Variants in DNAL1 observed in about 807,000 individuals in gnomAD.
DNAL1 encodes chromosome 14 open reading frame 168.
In DNAL1, 17 loss-of-function variants were observed where a neutral mutation model predicts 29.4. The ratio of observed to expected loss-of-function variants is 0.58; its 90% CI spans 0.40 to 0.87. The LOEUF (loss-of-function observed/expected upper bound fraction) is 0.87, where lower values mean the gene tolerates loss of function less well. Ranked by LOEUF, DNAL1 falls within the 40% of genes least tolerant of loss-of-function variation. The probability of loss-of-function intolerance (pLI) is 0.00; values close to 1 mark genes in which losing one functional copy is unlikely to be tolerated. For missense variants in DNAL1, 188 were observed against 214.1 expected (o/e 0.88, Z 0.76); for synonymous variants, 78 against 76.3 (o/e 1.02, Z -0.12).
intron 2 of DNAL1, among the ~76,000 whole-genome samples, chr14:73,656,371 G>GT (rs374812057): frequency 0.012 from 1,753 of 141,638 alleles, 41 homozygotes; most frequent in African/African-American, 0.043. Context: ...AATAACTAGT[G>GT]TTTTTTTTTG....
At position 73,696,042 on chromosome 14, in the gene DNAL1, A is replaced by T; in HGVS notation, c.*100A>T. 1 of 1,125,178 alleles carries T rather than the reference A, an allele frequency of 8.9e-7. No individual in the cohort carries two copies. The highest frequency in any genetic ancestry group is 1.3e-6 in the Non-Finnish European group (1 of 794,508). 69.7% of individuals were successfully genotyped at this position (1,125,178 alleles called of 1,614,324 possible). On this transcript the variant is annotated 3_prime_UTR_variant, in exon 8 of 8. Coordinates refer to ENST00000553645, the MANE Select transcript of DNAL1 (RefSeq NM_031427.4). ...TTTTAAAGATTCTGTATGGGACAAA[A>T]GTTTCTTAAGATAAAACAGATCACT...
rs182786402 is a variant in DNAL1 at position 73,690,176 on chromosome 14, T to C, written c.532+661T>C. Among the ~76,000 whole-genome samples, 1,220 of 152,124 alleles carry C rather than the reference T, an allele frequency of 8.0e-3. 21 individuals carry two copies. Among genetic ancestry groups the C allele is most frequent in the African/African-American group, 0.028 (1,156 of 41,504 alleles). On this transcript the variant is annotated intron_variant, in intron 7 of 7. Transcript: ENST00000553645. ...AGGTCAGGAGTTTGAGACCAGCCTT[T>C]GCAATATAGTGAGAAAAACCCTGTA...
chr14:73,698,377 C>T lies in DNAL1; in HGVS notation c.*2435C>T, dbSNP rs1257154543. The T allele has an allele frequency of 6.6e-6, 1 of 152,158 alleles. No individual in the cohort carries two copies. Among genetic ancestry groups the T allele is most frequent in the East Asian group, 1.9e-4 (1 of 5,188 alleles). 9.4% of individuals were successfully genotyped at this position (152,158 alleles called of 1,614,324 possible). On this transcript the variant is annotated 3_prime_UTR_variant, in exon 8 of 8. Transcript: ENST00000553645. ...AAATCATTCCCTAAATTATCCTTTA[C>T]TGCTGCAAATTTAGCTGATAAAACT...
At chr14:73,690,562 G>C (rs915357698) in intron 7 of DNAL1, among the ~76,000 whole-genome samples, 7 of 151,956 alleles carry the variant, frequency 4.6e-5, no homozygotes, top group Admixed American at 1.3e-4. Flanking sequence ...TGAGGCAGGA[G>C]AATCGCTTGA....
intron 5 of DNAL1, among the ~76,000 whole-genome samples, chr14:73,679,616 G>T (rs995822773): frequency 2.0e-5 from 3 of 152,106 alleles, no homozygotes; most frequent in African/African-American, 7.2e-5. Flanking sequence ...TTTCCACATT[G>T]AAATTTAATG....
At chr14:73,649,423 C>G (rs939850388) in intron 1 of DNAL1, among the ~76,000 whole-genome samples, 29 of 151,680 alleles carry the variant, frequency 1.9e-4, no homozygotes, top group Non-Finnish European at 2.9e-5. Flanking sequence ...GCTGGGACTA[C>G]AGGCGCCTGC....
chr14:73,673,642 A>G (rs1891664335), intron 5 of DNAL1, among the ~76,000 whole-genome samples: 1 of 152,202 alleles, frequency 6.6e-6, no homozygotes, highest in South Asian at 2.1e-4. Context: ...TCATGCCGGT[A>G]ATCTGGCACT....
intron 1 of DNAL1, among the ~76,000 whole-genome samples, chr14:73,650,730 C>T (rs1242649165): frequency 6.6e-6 from 1 of 152,164 alleles, no homozygotes; most frequent in Non-Finnish European, 1.5e-5. Flanking sequence ...CCCACCTCAG[C>T]CTCCAAAAGT....
chr14:73,661,507 G>A (rs1163401356), intron 3 of DNAL1, among the ~76,000 whole-genome samples: 1 of 152,190 alleles, frequency 6.6e-6, no homozygotes, highest in Non-Finnish European at 1.5e-5. Context: ...CACTTTGGGA[G>A]GCCGAAGCAA....
chr14:73,667,817 A>G (rs903609708), intron 4 of DNAL1, among the ~76,000 whole-genome samples: 1 of 152,236 alleles, frequency 6.6e-6, no homozygotes, highest in South Asian at 2.1e-4. Context: ...TTTATCTCAG[A>G]TAGTGACAAG....
chr14:73,687,105 A>G (rs1321907960), intron 5 of DNAL1, among the ~76,000 whole-genome samples, 154 bp from the exon 6 acceptor site: 2 of 148,814 alleles, frequency 1.3e-5, no homozygotes, highest in Admixed American at 6.7e-5. Flanking sequence ...CCTCAATGAG[A>G]AAAAAAAAAC....
At chr14:73,663,812 T>C (rs901258061) in intron 4 of DNAL1, among the ~76,000 whole-genome samples, 1 of 152,204 alleles carries the variant, frequency 6.6e-6, no homozygotes, top group Non-Finnish European at 1.5e-5. Context: ...CCAAGTGAGT[T>C]GCTGTTTTTA....
chr14:73,656,326 C>G (rs115058146), intron 2 of DNAL1, among the ~76,000 whole-genome samples: 1,706 of 151,430 alleles, frequency 0.011, 30 homozygotes, highest in African/African-American at 0.04. Flanking sequence ...ATTTCATTTT[C>G]CTTGAATTGG....
intron 1 of DNAL1, among the ~76,000 whole-genome samples, chr14:73,647,916 T>G (rs1420061060): frequency 6.6e-6 from 1 of 152,192 alleles, no homozygotes; most frequent in Admixed American, 6.6e-5. Flanking sequence ...CTTTTCAGGC[T>G]GCTTTCCAGA....
chr14:73,679,546 G>A (rs541877888), intron 5 of DNAL1, among the ~76,000 whole-genome samples: 10 of 152,322 alleles, frequency 6.6e-5, no homozygotes, highest in African/African-American at 2.4e-4. Flanking sequence ...GGGAGGCAGA[G>A]AAGAGGAAGA....
chr14:73,666,419 A>G (rs1024005560), intron 4 of DNAL1, among the ~76,000 whole-genome samples: 10 of 152,182 alleles, frequency 6.6e-5, no homozygotes, highest in African/African-American at 1.4e-4. Context: ...GTGAAAAACT[A>G]TACTTTACTC....
chr14:73,649,389 T>C (rs1353945767), intron 1 of DNAL1, among the ~76,000 whole-genome samples: 1 of 151,434 alleles, frequency 6.6e-6, no homozygotes, highest in Non-Finnish European at 1.5e-5. Context: ...TTCACGCCAT[T>C]CTCCTGCCTC....
intron 5 of DNAL1, among the ~76,000 whole-genome samples, chr14:73,681,622 AAAAAAAAAAAAAT>A (rs1283499747): frequency 4.2e-5 from 2 of 47,702 alleles, no homozygotes; most frequent in African/African-American, 6.8e-5. Context: ...AAAAAAAAAA[AAAAAAAAAAAAAT>A]ATATATATAT....
intron 7 of DNAL1, among the ~76,000 whole-genome samples, chr14:73,695,535 T>C (rs1478390961): frequency 6.6e-6 from 1 of 152,076 alleles, no homozygotes; most frequent in Non-Finnish European, 1.5e-5. Flanking sequence ...TTCTCAGGTT[T>C]TTCTTTTTTC....
Sources: gnomAD v4.1 joint callset for allele counts (sites outside exome capture counted in the v4.1 genomes callset) on GRCh38, gnomAD v4.1.1 for gene constraint, MANE v1.5 for transcripts, NCBI Gene and HGNC (gene_info 2026-07-23, HGNC 2026-07-21) for gene names.